DGKZ: variants seen among roughly 807,000 people sequenced by gnomAD.
DGKZ encodes the protein diacylglycerol kinase zeta.
Under a neutral mutation model 142.5 loss-of-function variants are expected in DGKZ, and 45 were observed. That is an observed-to-expected ratio of 0.32 (90% CI 0.25 to 0.40). DGKZ has a LOEUF of 0.40. DGKZ is among the 10% of genes least tolerant of loss of function. The pLI, the probability that DGKZ is intolerant of heterozygous loss-of-function variation, is 1.00. For missense variants in DGKZ, 755 were observed against 1,306.5 expected (o/e 0.58, Z 6.51); for synonymous variants, 442 against 527.0 (o/e 0.84, Z 2.21).
chr11:46,372,320 C>T lies in DGKZ; in HGVS notation c.928-108C>T, dbSNP rs1944036494. 2 of 1,377,132 alleles carry T rather than the reference C, an allele frequency of 1.5e-6. No individual in the cohort carries two copies. The highest frequency in any genetic ancestry group is 1.4e-5 in the African/African-American group (1 of 69,994). 85.3% of individuals were successfully genotyped at this position (1,377,132 alleles called of 1,614,324 possible). A position where few individuals can be genotyped will look rare whatever the true frequency, so the allele number is the denominator to read the frequency against. On this transcript the variant is annotated intron_variant, in intron 10 of 30. Coordinates refer to ENST00000527911, the Ensembl canonical transcript of DGKZ. This position sits in a 1 kb window ranked among gnomAD's most constrained non-coding sequence, Gnocchi z 5.9. ...GAGAAAATCCTGTCCTTTCTCCACC[C>T]CTCACCCCTTATTGGCCCTGGTTCC...
chr11:46,358,828 A>G (rs1942316356), intron 1 of DGKZ, among the ~76,000 whole-genome samples: 1 of 152,180 alleles, frequency 6.6e-6, no homozygotes, highest in South Asian at 2.1e-4. Context: ...TAGTGAAGTT[A>G]GTGTGATTTT....
intron 1 of DGKZ, among the ~76,000 whole-genome samples, chr11:46,358,569 A>AT: frequency 6.6e-6 from 1 of 152,362 alleles, no homozygotes; most frequent in Non-Finnish European, 1.5e-5. Context: ...ACCATGGCTC[A>AT]TATCTGTAAT....
chr11:46,332,988 G>T (rs955225054), exon 1 of DGKZ: 6 of 300,216 alleles, frequency 2.0e-5, no homozygotes, highest in Non-Finnish European at 3.0e-5. Context: ...CTCCGGCTCC[G>T]CTCCAGCCGT....
At chr11:46,345,039 C>A (rs1421779014), upstream of DGKZ, among the ~76,000 whole-genome samples, 5 of 152,170 alleles carry the variant, frequency 3.3e-5, no homozygotes, top group Admixed American at 2.6e-4. The surrounding 1 kb of genome is among the most constrained non-coding windows in gnomAD (Gnocchi z 4.1). Context: ...AGGAAGAGAG[C>A]GCTCTTTGAG....
At chr11:46,368,188 G>A (rs758038463) in intron 4 of DGKZ, 109 bp downstream of exon 4, 6 of 1,160,010 alleles carry the variant, frequency 5.2e-6, no homozygotes, top group South Asian at 5.2e-5. Flanking sequence ...GAGTGACCCA[G>A]CACTCGGGGG....
At chr11:46,336,156 G>A (rs1481108569) in intron 1 of DGKZ, among the ~76,000 whole-genome samples, 4 of 152,216 alleles carry the variant, frequency 2.6e-5, no homozygotes, top group South Asian at 2.1e-4. Context: ...AAGTGAGGAC[G>A]GGGGCTTTGG....
chr11:46,340,315 G>A (rs539318712), intron 1 of DGKZ, among the ~76,000 whole-genome samples: 1 of 152,206 alleles, frequency 6.6e-6, no homozygotes, highest in Admixed American at 6.5e-5. Flanking sequence ...TGACCCTACA[G>A]ATGTGAGTGG....
At chr11:46,373,493 T>G (rs1944212232) in intron 14 of DGKZ, among the ~76,000 whole-genome samples, 1 of 148,396 alleles carries the variant, frequency 6.7e-6, no homozygotes, top group African/African-American at 2.6e-5. Context: ...CTTGTTTTTT[T>G]TTTTGTTTTT....
chr11:46,362,936 C>T (rs1942832068), intron 1 of DGKZ, among the ~76,000 whole-genome samples: 1 of 152,236 alleles, frequency 6.6e-6, no homozygotes, highest in African/African-American at 2.4e-5. Flanking sequence ...GGCCCCAGAG[C>T]CGGCCAAGGG....
chr11:46,365,564 C>G (rs1943155833), intron 1 of DGKZ: 1 of 985,330 alleles, frequency 1.0e-6, no homozygotes. Flanking sequence ...TCCCTGAGAC[C>G]TGGTCTCCCC....
intron 1 of DGKZ, among the ~76,000 whole-genome samples, chr11:46,359,467 G>T (rs1942394841): frequency 1.3e-5 from 2 of 152,064 alleles, no homozygotes; most frequent in South Asian, 4.2e-4. Context: ...AAAATAAAAT[G>T]TGTCACCATT....
At chr11:46,356,914 G>A (rs1479402192) in intron 1 of DGKZ, among the ~76,000 whole-genome samples, 1 of 152,190 alleles carries the variant, frequency 6.6e-6, no homozygotes, top group Non-Finnish European at 1.5e-5. Flanking sequence ...AGTGAGTTAT[G>A]TAAGTGTCAA....
intron 20 of DGKZ, 45 bp downstream of exon 20, chr11:46,375,676 C>T: frequency 6.6e-7 from 1 of 1,526,062 alleles, no homozygotes; most frequent in Admixed American, 2.0e-5. Flanking sequence ...AGGCCAGACC[C>T]TGCCCTCTCT....
At chr11:46,374,820 G>A in exon 18 of DGKZ, 1 of 1,599,408 alleles carries the variant, frequency 6.3e-7, no homozygotes, top group South Asian at 1.1e-5. Context: ...CCAGTGTGTT[G>A]TTTTCCTGAA....
chr11:46,347,593 G>A lies in DGKZ; in HGVS notation c.-67G>A, dbSNP rs895267436. 26 of 1,158,222 alleles carry A rather than the reference G, an allele frequency of 2.2e-5. No individual in the cohort carries two copies. Among genetic ancestry groups the A allele is most frequent in the Non-Finnish European group, 2.6e-5 (24 of 940,926 alleles). The allele number at this position is 1,158,222 out of a possible 1,614,324, so 71.7% of individuals were successfully genotyped here. A position where few individuals can be genotyped will look rare whatever the true frequency, so the allele number is the denominator to read the frequency against. On this transcript the variant is annotated 5_prime_UTR_variant, in exon 1 of 31. The change abolishes the stop of an existing upstream ORF in the 5' untranslated region. Coordinates refer to ENST00000527911, the Ensembl canonical transcript of DGKZ. The surrounding 1 kb of genome is among the most constrained non-coding windows in gnomAD (Gnocchi z 6.4). ...GCGGGCGGCGCGGAGCGGGCGTGCTGAGCCCCGGCCGCCGGCCCGGCATGG... is the reference window on the plus strand; with the variant it reads ...GCGGGCGGCGCGGAGCGGGCGTGCTAAGCCCCGGCCGCCGGCCCGGCATGG...
Position 46,376,396 on chromosome 11 carries a change from C to T in DGKZ, c.2160C>T (p.Asp720=), listed in dbSNP as rs146211585. 391 of 1,613,964 alleles carry T rather than the reference C, an allele frequency of 2.4e-4. 1 individual carries two copies. Among genetic ancestry groups the T allele is most frequent in the Non-Finnish European group, 2.9e-4 (348 of 1,180,004 alleles). ...TGTCCCCCAAGTGGTGCTTCCTGGA[C>T]GGTGAGTCTACTCCCAGGGTGCCAA... The change falls in exon 23 of 31, where the codon GAC becomes GAT. Residue 720 remains aspartate, a splice_region_variant and synonymous_variant. Coordinates refer to ENST00000527911, the Ensembl canonical transcript of DGKZ.
chr11:46,372,001 AG>A lies in DGKZ; in HGVS notation c.832-69del. ...GTACAAAGAGGGAACAAAGTCACCCAGGGGGCCTGCTAAGGATGATGGTAGG... is the reference window on the plus strand; with the variant it reads ...GTACAAAGAGGGAACAAAGTCACCCAGGGGCCTGCTAAGGATGATGGTAGG... On this transcript the variant is annotated intron_variant, in intron 9 of 30. Transcript: ENST00000527911. The surrounding 1 kb of genome is among the most constrained non-coding windows in gnomAD (Gnocchi z 5.9). 2.1e-6 allele frequency: 3 copies of A among 1,432,028 alleles called. No homozygotes were observed. The highest frequency in any genetic ancestry group is 3.9e-5 in the Admixed American group (2 of 51,468). 88.7% of individuals were successfully genotyped at this position (1,432,028 alleles called of 1,614,324 possible). A position where few individuals can be genotyped will look rare whatever the true frequency, so the allele number is the denominator to read the frequency against.
rs1436004834 is a variant in DGKZ, at chr11:46,372,030, G to A, written c.832-45G>A. ...GGCCTGCTAAGGATGATGGTAGGGT[G>A]TCCTGGACGGGAAGGAGCTTACAGC... On this transcript the variant is annotated intron_variant, in intron 9 of 30. Coordinates refer to ENST00000527911, the Ensembl canonical transcript of DGKZ. This position sits in a 1 kb window ranked among gnomAD's most constrained non-coding sequence, Gnocchi z 5.9. 1 of 1,544,904 alleles carries A rather than the reference G, an allele frequency of 6.5e-7. No individual in the cohort carries two copies. The highest frequency in any genetic ancestry group is 8.8e-7 in the Non-Finnish European group (1 of 1,133,778).
chr11:46,379,828 C>T lies in DGKZ; in HGVS notation c.2689-3C>T, dbSNP rs1015367582. The T allele has an allele frequency of 3.7e-5, 59 of 1,607,964 alleles. No individual in the cohort carries two copies. Among genetic ancestry groups the T allele is most frequent in the Non-Finnish European group, 4.9e-5 (58 of 1,177,720 alleles). On this transcript the variant is annotated splice_region_variant and splice_polypyrimidine_tract_variant and intron_variant, in intron 30 of 30. Transcript: ENST00000527911. ...TGCTGATCGCAGCTCCGCCCTCCTCCAGGGCGACACTCCCCGGCAGCGGGC... is the reference window on the plus strand; with the variant it reads ...TGCTGATCGCAGCTCCGCCCTCCTCTAGGGCGACACTCCCCGGCAGCGGGC...
Sources: allele counts gnomAD v4.1 joint callset (sites outside exome capture counted in the v4.1 genomes callset), GRCh38; gene constraint gnomAD v4.1.1; non-coding constraint Gnocchi (gnomAD v3.1); transcripts MANE v1.5; gene names NCBI Gene and HGNC (gene_info 2026-07-23, HGNC 2026-07-21).